ASAH2: variants seen among roughly 807,000 people sequenced by gnomAD.
The protein encoded by ASAH2 is N-acylsphingosine amidohydrolase 2.
Under a neutral mutation model 82.9 loss-of-function variants are expected in ASAH2, and 58 were observed. The ratio of observed to expected loss-of-function variants is 0.70; its 90% CI spans 0.57 to 0.87. ASAH2 has a LOEUF of 0.87. Ranked by LOEUF, ASAH2 falls within the 40% of genes least tolerant of loss-of-function variation. The pLI, the probability that ASAH2 is intolerant of heterozygous loss-of-function variation, is 0.00. For missense variants in ASAH2, 779 were observed against 834.0 expected, an observed-to-expected ratio of 0.93 and a Z score of 0.81; for synonymous variants, 276 against 289.7, an observed-to-expected ratio of 0.95 and a Z score of 0.48.
intron 17 of ASAH2, among the ~76,000 whole-genome samples, chr10:50,198,640 G>A (rs1215363338): frequency 2.6e-5 from 4 of 151,958 alleles, no homozygotes; most frequent in Non-Finnish European, 5.9e-5. Context: ...GAGTGAGTGG[G>A]GAGAATCTGG....
intron 4 of ASAH2, among the ~76,000 whole-genome samples, chr10:50,236,601 AC>A (rs1286518151): frequency 6.6e-6 from 1 of 152,176 alleles, no homozygotes; most frequent in East Asian, 1.9e-4. Context: ...AGTAATAACA[AC>A]AAAATAATAA....
rs1845441349 is a variant in ASAH2 at position 50,211,022 on chromosome 10, G to T, written c.1332+8C>A. The T allele has an allele frequency of 1.2e-6, 2 of 1,610,824 alleles. No homozygotes were observed. Among genetic ancestry groups the T allele is most frequent in the African/African-American group, 2.7e-5 (2 of 74,864 alleles). On this transcript the variant is annotated splice_region_variant and intron_variant, in intron 11 of 20. Coordinates refer to ENST00000682911, the MANE Select transcript of ASAH2 (RefSeq NM_019893.4). Reference sequence around the variant, plus strand: ...GGGGCATAACCAGTGTGTCTCAGCAGCACTTACTGCATGTGTGGAATTGAG... The same window carrying T: ...GGGGCATAACCAGTGTGTCTCAGCATCACTTACTGCATGTGTGGAATTGAG...
Position 50,251,516 on chromosome 10 carries a change from T to A in ASAH2, c.-158A>T, listed in dbSNP as rs557194083. Among the ~76,000 whole-genome samples, 4 of 152,284 alleles carry A rather than the reference T, an allele frequency of 2.6e-5. No individual in the cohort carries two copies. In the South Asian group the frequency reaches 8.3e-4, roughly 32 times the overall value. The stretch of plus-strand genomic sequence containing the variant: ...CCTCTCAGCACTTTCTGAAACCTAC[T>A]GAGAAAAATTTTCAGTCAAGTCCAG... On this transcript the variant is annotated 5_prime_UTR_variant, in exon 1 of 21. Transcript: ENST00000682911.
rs915440539 is a variant in ASAH2, at chr10:50,212,994, C to T, written c.1205G>A (p.Arg402Gln). 84 of 1,613,678 alleles carry T rather than the reference C, an allele frequency of 5.2e-5. No homozygotes were observed. Among genetic ancestry groups the T allele is most frequent in the African/African-American group, 3.3e-4 (25 of 75,018 alleles). ...TACCTTTGCTCTCTGATACATGGCC[C>T]GTCCTATAATTTGTGTGCTGTCAAA... ...DMFDSTQIIG[R>Q]AMYQRAKELY... Residue 402 changes from arginine to glutamine, a missense_variant, in exon 10 of 21, where the codon CGG (arginine) becomes CAG (glutamine). Arg to Gln is a conservative substitution (Grantham distance 43, BLOSUM62 1). Transcript: ENST00000682911.
rs766598373 is a variant in ASAH2 at position 50,243,257 on chromosome 10, C to T, written c.455G>A (p.Arg152Gln). Residue 152 changes from arginine (R) to glutamine (Q), a missense_variant, in exon 4 of 21, where the codon CGA becomes CAA. By Grantham distance (43) the Arg-to-Gln change is conservative. Around this residue, in one of 3 missense-constraint regions of ASAH2, gnomAD observed 759 missense variants for 755.2 expected, o/e 1.00. Transcript: ENST00000682911. Reference sequence around the variant, plus strand: ...TATGTCGATGCTGACAAACACTGTTCGATTGGACCCATCAGGTTCTGCCAT... The same window carrying T: ...TATGTCGATGCTGACAAACACTGTTTGATTGGACCCATCAGGTTCTGCCAT... ...FIMAEPDGSN[R>Q]TVFVSIDIGM... 3.1e-6 allele frequency: 5 copies of T among 1,614,074 alleles called. No homozygotes were observed. Among genetic ancestry groups the T allele is most frequent in the Non-Finnish European group, 2.5e-6 (3 of 1,179,966 alleles).
intron 7 of ASAH2, among the ~76,000 whole-genome samples, chr10:50,221,027 C>G (rs1845730529): frequency 6.6e-6 from 1 of 152,100 alleles, no homozygotes; most frequent in South Asian, 2.1e-4. Context: ...AACACAATGT[C>G]AAGCCAAATC....
chr10:50,239,069 A>G (rs1846229783), intron 4 of ASAH2, among the ~76,000 whole-genome samples: 2 of 152,176 alleles, frequency 1.3e-5, no homozygotes, highest in Non-Finnish European at 1.5e-5. Flanking sequence ...TTCAGTTTCT[A>G]TTCCATTTCG....
chr10:50,248,911 G>A (rs186423495), intron 1 of ASAH2, among the ~76,000 whole-genome samples: 9 of 152,284 alleles, frequency 5.9e-5, no homozygotes, highest in Admixed American at 5.9e-4. Flanking sequence ...TGGCCACTGA[G>A]CTCAACTGAG....
chr10:50,204,427 G>A (rs1164150059), intron 14 of ASAH2, among the ~76,000 whole-genome samples: 3 of 151,868 alleles, frequency 2.0e-5, no homozygotes, highest in Non-Finnish European at 2.9e-5. Context: ...GGGAATTCAA[G>A]GATGACTCCA....
intron 17 of ASAH2, among the ~76,000 whole-genome samples, chr10:50,197,614 A>G (rs1334374961): frequency 6.6e-6 from 1 of 151,978 alleles, no homozygotes; most frequent in Non-Finnish European, 1.5e-5. Context: ...TGCATATGAG[A>G]TAGGTTATGT....
At chr10:50,215,751 G>C (rs951071975) in intron 8 of ASAH2, among the ~76,000 whole-genome samples, 2 of 152,110 alleles carry the variant, frequency 1.3e-5, no homozygotes, top group East Asian at 3.9e-4. Context: ...AAAACAGTGC[G>C]ATGATTCCTC....
At chr10:50,248,381 G>A (rs1288820678) in intron 2 of ASAH2, 103 bp downstream of exon 2, 29 of 1,409,894 alleles carry the variant, frequency 2.1e-5, no homozygotes, top group African/African-American at 4.3e-5. Flanking sequence ...TTAAGTACAC[G>A]TAGAACTATC....
chr10:50,233,441 C>T (rs913187721), intron 6 of ASAH2, among the ~76,000 whole-genome samples, 180 bp from the exon 7 acceptor site: 109 of 152,192 alleles, frequency 7.2e-4, no homozygotes, highest in African/African-American at 2.6e-3. Flanking sequence ...AAAGGCTATG[C>T]AATTGCGATC....
At chr10:50,221,627 T>TTGTGTGTG (rs1364076496) in intron 7 of ASAH2, among the ~76,000 whole-genome samples, 54 of 144,774 alleles carry the variant, frequency 3.7e-4, no homozygotes, top group African/African-American at 1.2e-3. Flanking sequence ...TGAATTCAGG[T>TTGTGTGTG]TGTATGTGTG....
intron 17 of ASAH2, among the ~76,000 whole-genome samples, chr10:50,197,676 G>GT (rs1467502197): frequency 6.6e-6 from 1 of 151,720 alleles, no homozygotes; most frequent in African/African-American, 2.4e-5. Flanking sequence ...ATATTCAGTG[G>GT]TTTTTTTCAA....
chr10:50,203,241 T>C (rs1845203998), intron 15 of ASAH2, among the ~76,000 whole-genome samples: 1 of 152,004 alleles, frequency 6.6e-6, no homozygotes, highest in Non-Finnish European at 1.5e-5. Flanking sequence ...ATTTTTGACA[T>C]GTCATTTTAG....
In ASAH2 at chr10:50,251,476, G is replaced by A. The variant is rs969859308; in HGVS notation, c.-118C>T. On this transcript the variant is annotated 5_prime_UTR_variant, in exon 1 of 21. In the 5' UTR this introduces an upstream ATG that the reference lacks. Transcript: ENST00000682911. ...AATCCTGTCCCCTTTCCCCTTGCAC[G>A]TTGCTGGGCTTACACCTCTCAGCAC... Among the ~76,000 whole-genome samples the A allele has an allele frequency of 6.6e-5, 10 of 152,120 alleles. No homozygotes were observed. The highest frequency in any genetic ancestry group is 1.3e-4 in the Non-Finnish European group (9 of 68,034).
chr10:50,203,768 C>T, intron 14 of ASAH2, 89 bp from the exon 15 acceptor site: 1 of 1,093,454 alleles, frequency 9.1e-7, no homozygotes, highest in Non-Finnish European at 1.4e-6. Flanking sequence ...CAAAAAATTA[C>T]CCTGGCTCAT....
chr10:50,243,563 T>C (rs553687012), intron 3 of ASAH2, among the ~76,000 whole-genome samples: 2 of 152,198 alleles, frequency 1.3e-5, no homozygotes, highest in East Asian at 1.9e-4. Context: ...TTGAATCCTC[T>C]GTGTAGAAAA....
Sources: gnomAD v4.1 joint callset for allele counts (sites outside exome capture counted in the v4.1 genomes callset) on GRCh38, gnomAD v4.1.1 for gene constraint, gnomAD v4.1.1 regional missense constraint, MANE v1.5 for transcripts, NCBI Gene and HGNC (gene_info 2026-07-23, HGNC 2026-07-21) for gene names.